The following PLA2G7 variants were observed in gnomAD, a reference collection of about 807,000 sequenced individuals.
PLA2G7 encodes the protein platelet-activating factor acetylhydrolase.
In PLA2G7, 63 loss-of-function variants were observed where a neutral mutation model predicts 49.6. The ratio of observed to expected loss-of-function variants is 1.27; its 90% confidence interval spans 1.04 to 1.57. The LOEUF is 1.57. Ranked by LOEUF, PLA2G7 falls within the 40% of genes most tolerant of loss-of-function variation. The pLI is 0.00. For missense variants in PLA2G7, 596 were observed against 521.2 expected, an observed-to-expected ratio of 1.14 and a Z score of -1.40; for synonymous variants, 193 against 169.9, an observed-to-expected ratio of 1.14 and a Z score of -1.06.
intron 10 of PLA2G7, among the ~76,000 whole-genome samples, chr6:46,706,759 A>G (rs984255467): frequency 6.6e-6 from 1 of 152,202 alleles, no homozygotes; most frequent in African/African-American, 2.4e-5. Context: ...GGGTTGAGGG[A>G]AGGTTAGGTG....
At chr6:46,714,259 C>T (rs1765123383) in intron 5 of PLA2G7, among the ~76,000 whole-genome samples, 2 of 152,142 alleles carry the variant, frequency 1.3e-5, no homozygotes, top group Non-Finnish European at 2.9e-5. Context: ...AGGCTAATCC[C>T]AATGAGCTGA....
Position 46,724,402 on chromosome 6 carries a change from G to T in PLA2G7, c.-34-1477C>A, listed in dbSNP as rs539658508. ...CTGAGTGAATAAATCTAGCACATCT[G>T]GTTACTAATACAAACCGAGCCAAGT... is the stretch of plus-strand genomic sequence containing the variant. On this transcript the variant is annotated intron_variant, in intron 1 of 11. Transcript: ENST00000274793. Among the ~76,000 whole-genome samples the T allele has an allele frequency of 2.0e-4, 30 of 152,242 alleles. No homozygotes were observed. In the South Asian group the frequency reaches 2.5e-3, roughly 13 times the overall value.
At chr6:46,730,349 T>C (rs1765699393) in intron 1 of PLA2G7, among the ~76,000 whole-genome samples, 1 of 152,198 alleles carries the variant, frequency 6.6e-6, no homozygotes, top group Non-Finnish European at 1.5e-5. Context: ...ATCTTCTTTA[T>C]CAGAGGAGCA....
At chr6:46,712,478 G>A in intron 5 of PLA2G7, 141 bp from the exon 6 acceptor site, 1 of 672,772 alleles carries the variant, frequency 1.5e-6, no homozygotes, top group Non-Finnish European at 2.8e-6. Context: ...GGTTCTTAAA[G>A]GAGGGTGATT....
chr6:46,712,059 ACATGGCAGG>A (rs1326150105), intron 6 of PLA2G7, among the ~76,000 whole-genome samples: 1 of 152,218 alleles, frequency 6.6e-6, no homozygotes, highest in Non-Finnish European at 1.5e-5. Context: ...TTCGCATAGG[ACATGGCAGG>A]CAATAAACAC....
Position 46,705,253 on chromosome 6 carries a change from T to A in PLA2G7, c.1089A>T (p.Lys363Asn). ...TTAATTTGAGCATGTGTCCAATTAT[T>A]TTGCCAGTTGCAAAAGTGAAGTCAG... ...NFADFTFATGKIIGHMLKLKG... is the reference protein window; with the variant it reads ...NFADFTFATGNIIGHMLKLKG... Residue 363 changes from lysine (K) to asparagine (N), a missense_variant, in exon 11 of 12, where the codon AAA (lysine) becomes AAT (asparagine). By Grantham distance (94) the Lys-to-Asn change is moderately conservative. Coordinates refer to ENST00000274793, the MANE Select transcript of PLA2G7 (RefSeq NM_005084.4). 6.2e-7 allele frequency: 1 copy of A among 1,611,462 alleles called. No homozygotes were observed. The highest frequency in any genetic ancestry group is 8.5e-7 in the Non-Finnish European group (1 of 1,177,742).
Position 46,722,722 on chromosome 6 carries a change from G to A in PLA2G7, c.109+61C>T. On this transcript the variant is annotated intron_variant, in intron 2 of 11. Transcript: ENST00000274793. The stretch of plus-strand genomic sequence containing the variant: ...ATGTGCAGATGTGCAACTTCTTGGG[G>A]CCCACTTGAAGTATGGCGACAGATC... 4.1e-6 allele frequency: 4 copies of A among 980,314 alleles called. No individual in the cohort carries two copies. In the South Asian group the frequency reaches 5.2e-5, roughly 13 times the overall value. 60.7% of individuals were successfully genotyped at this position (980,314 alleles called of 1,614,324 possible).
intron 1 of PLA2G7, among the ~76,000 whole-genome samples, chr6:46,733,186 G>A (rs548376374): frequency 1.3e-5 from 2 of 152,264 alleles, no homozygotes; most frequent in East Asian, 1.9e-4. Context: ...CAAAGAGTGT[G>A]GTAAGTCATA....
chr6:46,704,507 C>T lies in PLA2G7; in HGVS notation c.*53G>A. On this transcript the variant is annotated 3_prime_UTR_variant, in exon 12 of 12. Coordinates refer to ENST00000274793, the MANE Select transcript of PLA2G7 (RefSeq NM_005084.4). ...ACACACACACACACACACACACACA[C>T]ACATAATTTTAGACAGTTTTGAAAC... is the stretch of plus-strand genomic sequence containing the variant. 4.2e-6 allele frequency: 4 copies of T among 941,652 alleles called. No individual in the cohort carries two copies. Among genetic ancestry groups the T allele is most frequent in the Non-Finnish European group, 3.4e-6 (2 of 583,358 alleles). 58.3% of individuals were successfully genotyped at this position (941,652 alleles called of 1,614,324 possible).
At chr6:46,704,829 T>C in intron 11 of PLA2G7, 133 bp from the exon 12 acceptor site, 1 of 659,744 alleles carries the variant, frequency 1.5e-6, no homozygotes, top group East Asian at 2.7e-5. Flanking sequence ...GTGCTCTGTA[T>C]CAGCTGCCTC....
chr6:46,728,792 T>C (rs928272870), intron 1 of PLA2G7, among the ~76,000 whole-genome samples: 1 of 152,198 alleles, frequency 6.6e-6, no homozygotes, highest in Non-Finnish European at 1.5e-5. Flanking sequence ...TATGCATAAA[T>C]GGCTACATGA....
At chr6:46,710,719 G>A in intron 7 of PLA2G7, 61 bp from the exon 8 acceptor site, 4 of 1,307,650 alleles carry the variant, frequency 3.1e-6, no homozygotes, top group Non-Finnish European at 3.3e-6. Flanking sequence ...TTATTTTAAA[G>A]TTTAGGTAGA....
intron 1 of PLA2G7, among the ~76,000 whole-genome samples, chr6:46,723,269 T>G (rs926551605): frequency 8.5e-5 from 13 of 152,208 alleles, no homozygotes; most frequent in Admixed American, 3.9e-4. Flanking sequence ...TCTGTCATCA[T>G]CATAATAATA....
chr6:46,732,543 T>A (rs1765766165), intron 1 of PLA2G7, among the ~76,000 whole-genome samples: 1 of 152,134 alleles, frequency 6.6e-6, no homozygotes. Flanking sequence ...TACCTGGCAC[T>A]TAGGATCTGA....
chr6:46,718,158 G>T (rs149614961), intron 2 of PLA2G7, among the ~76,000 whole-genome samples: 1 of 152,152 alleles, frequency 6.6e-6, no homozygotes, highest in African/African-American at 2.4e-5. Context: ...TTCTACCCAC[G>T]TTGGATCTTG....
chr6:46,718,526 G>A (rs530973910), intron 2 of PLA2G7, among the ~76,000 whole-genome samples: 6 of 152,292 alleles, frequency 3.9e-5, no homozygotes, highest in South Asian at 2.1e-4. Flanking sequence ...TTCCCCTTAA[G>A]TTATACCCCT....
chr6:46,705,359 A>C, intron 10 of PLA2G7, 58 bp from the exon 11 acceptor site: 1 of 1,408,150 alleles, frequency 7.1e-7, no homozygotes, highest in Middle Eastern at 1.8e-4. Context: ...TTATTTTTTT[A>C]GTTAGAGTGT....
chr6:46,720,979 A>G (rs1295260063), intron 2 of PLA2G7, among the ~76,000 whole-genome samples: 3 of 152,190 alleles, frequency 2.0e-5, no homozygotes, highest in Non-Finnish European at 4.4e-5. Context: ...ATAAAGAATC[A>G]CCTATTATTT....
intron 3 of PLA2G7, 133 bp from the exon 4 acceptor site, chr6:46,716,661 G>T: frequency 1.2e-6 from 1 of 831,266 alleles, no homozygotes; most frequent in Non-Finnish European, 1.9e-6. Flanking sequence ...AACTTTTTAG[G>T]CTGCTGTGGT....
Sources: gnomAD v4.1 joint callset for allele counts (sites outside exome capture counted in the v4.1 genomes callset) on GRCh38, gnomAD v4.1.1 for gene constraint, MANE v1.5 for transcripts, NCBI Gene and HGNC (gene_info 2026-07-23, HGNC 2026-07-21) for gene names.